Variants in ATP13A4 observed in about 807,000 individuals in gnomAD.
ATP13A4 encodes probable cation-transporting ATPase 13A4.
A neutral mutation model predicts 142.5 loss-of-function variants in ATP13A4; 114 were observed. The ratio of observed to expected loss-of-function variants is 0.80; its 90% CI spans 0.69 to 0.93. ATP13A4 has a LOEUF of 0.93. Among genes scored for constraint, ATP13A4 ranks in the 40% least tolerant of loss-of-function variants. ATP13A4 has a pLI of 0.00. For missense variants in ATP13A4, 1,392 were observed against 1,454.0 expected (o/e 0.96, Z 0.69); for synonymous variants, 488 against 514.8 (o/e 0.95, Z 0.70).
chr3:193,586,633 G>T (rs1724677806), intron 1 of ATP13A4, among the ~76,000 whole-genome samples: 2 of 152,128 alleles, frequency 1.3e-5, no homozygotes, highest in Admixed American at 1.3e-4. Context: ...TTTCACTGTT[G>T]AATTGTTTTG....
At chr3:193,504,219 G>T (rs969971811) in intron 2 of ATP13A4, among the ~76,000 whole-genome samples, 2 of 152,106 alleles carry the variant, frequency 1.3e-5, no homozygotes, top group African/African-American at 4.8e-5. Flanking sequence ...TAAGAATGAT[G>T]AGCCTAAGAA....
At chr3:193,425,829 T>C (rs749489491) in intron 25 of ATP13A4, among the ~76,000 whole-genome samples, 2 of 151,766 alleles carry the variant, frequency 1.3e-5, no homozygotes, top group Non-Finnish European at 1.5e-5. Context: ...TCATTAACAA[T>C]AGCAGACTTT....
intron 2 of ATP13A4, among the ~76,000 whole-genome samples, chr3:193,581,168 T>A (rs924024966): frequency 1.3e-5 from 2 of 152,240 alleles, no homozygotes; most frequent in Non-Finnish European, 2.9e-5. Context: ...TTAATGATGA[T>A]GTGCAAGACT....
Position 193,448,309 on chromosome 3 carries a change from C to A in ATP13A4, c.2049G>T (p.Leu683=). Residue 683 remains leucine, a synonymous_variant, in exon 18 of 30, where the codon CTG becomes CTT. Coordinates refer to ENST00000342695, the MANE Select transcript of ATP13A4 (RefSeq NM_032279.4). The part of the protein sequence containing the change: ...TLTRETVESD[L]IFLGLLILEN... ...CCAAGATCAGCAGCCCCAGAAATAT[C>A]AGGTCTGATTCTACCGTCTCCCTGA... 1 of 1,614,090 alleles carries A rather than the reference C, an allele frequency of 6.2e-7. No individual in the cohort carries two copies. The highest frequency in any genetic ancestry group is 1.3e-5 in the African/African-American group (1 of 75,048).
intron 7 of ATP13A4, among the ~76,000 whole-genome samples, chr3:193,489,526 A>T (rs534564125): frequency 1.3e-5 from 2 of 152,222 alleles, no homozygotes; most frequent in Non-Finnish European, 2.9e-5. Context: ...AGGAAAAATA[A>T]CTACAAAGGT....
chr3:193,471,448 C>T (rs1017899521), intron 8 of ATP13A4, among the ~76,000 whole-genome samples: 1 of 152,010 alleles, frequency 6.6e-6, no homozygotes, highest in African/African-American at 2.4e-5. Flanking sequence ...TGGTGACACA[C>T]ACCTGTACTC....
intron 25 of ATP13A4, among the ~76,000 whole-genome samples, chr3:193,429,383 G>A: frequency 6.6e-6 from 1 of 152,014 alleles, no homozygotes; most frequent in East Asian, 1.9e-4. Flanking sequence ...CAGCCAACAG[G>A]TGGGAGCACC....
At chr3:193,493,713 G>C (rs1166945477) in intron 3 of ATP13A4, among the ~76,000 whole-genome samples, 1 of 152,068 alleles carries the variant, frequency 6.6e-6, no homozygotes, top group Admixed American at 6.6e-5. Context: ...TTTGTAGAAT[G>C]AAGAATGAAG....
intron 5 of ATP13A4, among the ~76,000 whole-genome samples, 159 bp downstream of exon 5, chr3:193,492,758 G>A (rs187585389): frequency 1.9e-4 from 29 of 152,216 alleles, no homozygotes; most frequent in East Asian, 1.5e-3. Flanking sequence ...TGAAGATGAT[G>A]TAATATAATG....
chr3:193,573,399 T>C (rs2108742701), intron 2 of ATP13A4, among the ~76,000 whole-genome samples: 1 of 150,558 alleles, frequency 6.6e-6, no homozygotes, highest in South Asian at 2.1e-4. Flanking sequence ...ATCTCAGCCT[T>C]ATCTCAGCCC....
chr3:193,551,306 G>A (rs1022312023), intron 1 of ATP13A4, among the ~76,000 whole-genome samples: 3 of 152,108 alleles, frequency 2.0e-5, no homozygotes, highest in Admixed American at 6.5e-5. Context: ...CCAGGTACTC[G>A]GGAGGCTGAA....
In ATP13A4 at chr3:193,480,640, G is replaced by A. The variant is rs532106399; in HGVS notation, c.808+3296C>T. 8.5e-5 allele frequency among the ~76,000 whole-genome samples: 13 copies of A among 152,240 alleles called. No homozygotes were observed. In the South Asian group the frequency reaches 2.3e-3, roughly 27 times the overall value. On this transcript the variant is annotated intron_variant, in intron 8 of 29. Transcript: ENST00000342695. ...AAATCAAAAAATAAGAGATGTTCACGAGGATGTGGTGAAAAGAAACACTTT... is the reference window on the plus strand; with the variant it reads ...AAATCAAAAAATAAGAGATGTTCACAAGGATGTGGTGAAAAGAAACACTTT...
chr3:193,399,153 A>T lies in ATP13A4; in HGVS notation c.*3499T>A, dbSNP rs1322007535. Among the ~76,000 whole-genome samples, 1 of 152,188 alleles carries T rather than the reference A, an allele frequency of 6.6e-6. No individual in the cohort carries two copies. The highest frequency in any genetic ancestry group is 2.4e-5 in the African/African-American group (1 of 41,460). ...AGAGTCACGGTTCTCTGTGGGTAAG[A>T]GCTAGATGCCTTGAGATGAACATAC... On this transcript the variant is annotated 3_prime_UTR_variant, in exon 30 of 30. Coordinates refer to ENST00000342695, the MANE Select transcript of ATP13A4 (RefSeq NM_032279.4).
intron 25 of ATP13A4, among the ~76,000 whole-genome samples, chr3:193,417,946 C>A (rs1212884962): frequency 1.2e-3 from 166 of 141,724 alleles, no homozygotes; most frequent in East Asian, 1.6e-3. Flanking sequence ...AACGGTGAAA[C>A]CCCGTCTCTA....
chr3:193,476,101 G>T (rs570771859), intron 8 of ATP13A4, among the ~76,000 whole-genome samples: 1 of 152,138 alleles, frequency 6.6e-6, no homozygotes, highest in South Asian at 2.1e-4. Context: ...TGAATTGGAA[G>T]TTATGAGGTC....
intron 2 of ATP13A4, among the ~76,000 whole-genome samples, chr3:193,579,848 C>T (rs1257696035): frequency 1.3e-5 from 2 of 152,204 alleles, no homozygotes; most frequent in African/African-American, 4.8e-5. Flanking sequence ...CCAAGCACTA[C>T]TCTAAGTGCC....
At chr3:193,531,609 G>A (rs115596122) in intron 1 of ATP13A4, among the ~76,000 whole-genome samples, 113 of 152,242 alleles carry the variant, frequency 7.4e-4, no homozygotes, top group African/African-American at 2.6e-3. Context: ...CAGGCTGCAG[G>A]GACTCATGAT....
rs533780286 is a variant in ATP13A4 at position 193,436,081 on chromosome 3, T to G, written c.2673-337A>C. On this transcript the variant is annotated intron_variant, in intron 23 of 29. Coordinates refer to ENST00000342695, the MANE Select transcript of ATP13A4 (RefSeq NM_032279.4). ...GCCAGATCTTCTACCTATTCACTAA[T>G]GAGATGCAGAAGATCATTTCCCTTG... 1.0e-3 allele frequency among the ~76,000 whole-genome samples: 158 copies of G among 152,362 alleles called. 1 individual carries two copies. Among genetic ancestry groups the G allele is most frequent in the African/African-American group, 3.8e-3 (156 of 41,590 alleles).
At chr3:193,519,063 G>GA (rs375990587) in intron 1 of ATP13A4, among the ~76,000 whole-genome samples, 46 of 152,054 alleles carry the variant, frequency 3.0e-4, no homozygotes, top group African/African-American at 1.1e-3. Flanking sequence ...CCCTCCACAA[G>GA]AAAAAAATTA....
Sources: gnomAD v4.1 joint callset for allele counts (sites outside exome capture counted in the v4.1 genomes callset) on GRCh38, gnomAD v4.1.1 for gene constraint, MANE v1.5 for transcripts, NCBI Gene and HGNC (gene_info 2026-07-23, HGNC 2026-07-21) for gene names.